TLE1: variants seen among roughly 807,000 people sequenced by gnomAD.
TLE1 encodes the protein transducin-like enhancer protein 1.
In TLE1, 21 loss-of-function variants were observed where a neutral mutation model predicts 89.8. The observed-to-expected ratio is 0.23, with a 90% CI of 0.17 to 0.34. The LOEUF is 0.34. Ranked by LOEUF, TLE1 falls within the 10% of genes least tolerant of loss-of-function variation. The pLI is 1.00. For synonymous variants in TLE1, 447 were observed against 407.6 expected (o/e 1.10, Z -1.16); for missense variants, 795 against 1,031.2 (o/e 0.77, Z 3.14).
At chr9:81,645,789 G>T (rs1048736606) in intron 6 of TLE1, among the ~76,000 whole-genome samples, 1 of 152,042 alleles carries the variant, frequency 6.6e-6, no homozygotes, top group African/African-American at 2.4e-5. Context: ...TGCTTGAGGG[G>T]ATAGATACCC....
At chr9:81,620,140 G>A (rs1281577566) in intron 9 of TLE1, among the ~76,000 whole-genome samples, 1 of 152,238 alleles carries the variant, frequency 6.6e-6, no homozygotes, top group African/African-American at 2.4e-5. Context: ...GAGGCGGGGG[G>A]CCCGGGGGAC....
chr9:81,637,570 G>A (rs959159159), intron 6 of TLE1, among the ~76,000 whole-genome samples: 1 of 151,056 alleles, frequency 6.6e-6, no homozygotes, highest in African/African-American at 2.4e-5. Flanking sequence ...TAGGTCCCCT[G>A]AACAAACAGC....
intron 14 of TLE1, among the ~76,000 whole-genome samples, chr9:81,596,302 C>A (rs1409046961): frequency 2.0e-5 from 3 of 152,140 alleles, no homozygotes; most frequent in Admixed American, 2.0e-4. Flanking sequence ...CCACGGGAAG[C>A]CCATATGGAT....
At chr9:81,659,576 C>T (rs940165205) in intron 4 of TLE1, among the ~76,000 whole-genome samples, 1 of 152,164 alleles carries the variant, frequency 6.6e-6, no homozygotes, top group African/African-American at 2.4e-5. Context: ...TCATGGATGG[C>T]CACCACCTAC....
chr9:81,633,887 T>C (rs1452390768), intron 7 of TLE1: 1 of 523,948 alleles, frequency 1.9e-6, no homozygotes, highest in African/African-American at 1.9e-5. Flanking sequence ...GCCTGCAATC[T>C]AACGAGATCG....
rs534909208 is a variant in TLE1, at chr9:81,681,263, C to G, written c.234+4413G>C. The stretch of plus-strand genomic sequence containing the variant: ...TTTTCATTTATTTTTAAATGCTTCA[C>G]CATCGGCCGGGCACAGTGGTTTATG... On this transcript the variant is annotated intron_variant, in intron 4 of 19. Transcript: ENST00000376499. Among the ~76,000 whole-genome samples the G allele has an allele frequency of 2.6e-5, 4 of 152,252 alleles. No individual in the cohort carries two copies. In the East Asian group the frequency reaches 7.7e-4, roughly 29 times the overall value.
At chr9:81,604,247 G>C (rs4877664) in intron 14 of TLE1, among the ~76,000 whole-genome samples, 34,843 of 152,102 alleles carry the variant, frequency 0.23, 5,445 homozygotes, top group East Asian at 0.56. Flanking sequence ...TCCCGGTGGG[G>C]TCCCCTATGC....
At chr9:81,592,151 G>T (rs1283065296) in intron 15 of TLE1, among the ~76,000 whole-genome samples, 1 of 152,234 alleles carries the variant, frequency 6.6e-6, no homozygotes, top group Admixed American at 6.5e-5. Context: ...AAGGTCAGGA[G>T]ATCGAGACCA....
At chr9:81,608,731 G>A (rs961250408) in intron 14 of TLE1, among the ~76,000 whole-genome samples, 4 of 152,040 alleles carry the variant, frequency 2.6e-5, no homozygotes, top group Non-Finnish European at 4.4e-5. Context: ...GAGGTCAGGA[G>A]TTCAAAACCA....
At chr9:81,633,323 G>GTT (rs1265453669) in intron 8 of TLE1, 25 bp downstream of exon 8, 1 of 1,590,072 alleles carries the variant, frequency 6.3e-7, no homozygotes. Flanking sequence ...GTGTGTGTGT[G>GTT]TGCAGCAGGC....
chr9:81,680,664 TC>T (rs1833498506), intron 4 of TLE1, among the ~76,000 whole-genome samples: 9 of 152,202 alleles, frequency 5.9e-5, no homozygotes, highest in African/African-American at 2.2e-4. Context: ...CAAAGGCTAA[TC>T]TTGCACCTCG....
intron 6 of TLE1, among the ~76,000 whole-genome samples, chr9:81,634,587 T>C (rs1235136070): frequency 6.6e-6 from 1 of 152,204 alleles, no homozygotes; most frequent in African/African-American, 2.4e-5. Flanking sequence ...CTTTCTGGTA[T>C]CACTCACTCC....
intron 8 of TLE1, among the ~76,000 whole-genome samples, chr9:81,633,117 T>C (rs1826884430): frequency 6.6e-6 from 1 of 152,180 alleles, no homozygotes; most frequent in Non-Finnish European, 1.5e-5. Flanking sequence ...ATTATGCCTC[T>C]CTTGTCTGAT....
intron 4 of TLE1, among the ~76,000 whole-genome samples, chr9:81,668,714 G>T (rs891065172): frequency 3.9e-5 from 6 of 152,036 alleles, no homozygotes; most frequent in African/African-American, 1.4e-4. Flanking sequence ...CCAAAAAAAA[G>T]GCCTTCATCC....
chr9:81,593,289 A>G lies in TLE1; in HGVS notation c.1332-15T>C. ...AGGAGTATGCACTTTTGGAAAAACG[A>G]TTGGAGAGAAGACAGAAAACACATT... On this transcript the variant is annotated splice_polypyrimidine_tract_variant and intron_variant, in intron 14 of 19. Coordinates refer to ENST00000376499, the MANE Select transcript of TLE1 (RefSeq NM_005077.5). 1 of 1,596,544 alleles carries G rather than the reference A, an allele frequency of 6.3e-7. No homozygotes were observed. The highest frequency in any genetic ancestry group is 8.6e-7 in the Non-Finnish European group (1 of 1,166,030).
chr9:81,685,741 C>A (rs772537705), intron 3 of TLE1, 21 bp from the exon 4 acceptor site: 3 of 1,612,592 alleles, frequency 1.9e-6, no homozygotes, highest in Non-Finnish European at 2.5e-6. Context: ...AAAAAAGAAT[C>A]AAGCATTTCA....
intron 4 of TLE1, among the ~76,000 whole-genome samples, chr9:81,681,632 G>A (rs1833645311): frequency 6.6e-6 from 1 of 151,920 alleles, no homozygotes; most frequent in Non-Finnish European, 1.5e-5. Context: ...GCAGAACACA[G>A]GCACAAAGTG....
At chr9:81,685,809 A>C in intron 3 of TLE1, 24 bp downstream of exon 3, 7 of 1,613,888 alleles carry the variant, frequency 4.3e-6, no homozygotes, top group Non-Finnish European at 5.9e-6. Flanking sequence ...TGAAAAAGGA[A>C]AAAGTCCAAT....
chr9:81,669,301 C>T (rs754029205), intron 4 of TLE1, among the ~76,000 whole-genome samples: 22 of 152,212 alleles, frequency 1.4e-4, no homozygotes, highest in Non-Finnish European at 2.8e-4. Context: ...TCATCTCCAT[C>T]TGTCTAATAG....
Sources: allele counts gnomAD v4.1 joint callset (sites outside exome capture counted in the v4.1 genomes callset), GRCh38; gene constraint gnomAD v4.1.1; transcripts MANE v1.5; gene names NCBI Gene and HGNC (gene_info 2026-07-23, HGNC 2026-07-21).